The following RRP1 variants were observed in gnomAD, a reference collection of about 807,000 sequenced individuals.
RRP1 encodes ribosomal RNA processing 1, also known as ribosomal RNA processing protein 1 homolog A.
A neutral mutation model predicts 54.6 loss-of-function variants in RRP1; 37 were observed. The ratio of observed to expected loss-of-function variants is 0.68; its 90% CI spans 0.52 to 0.89. The LOEUF (loss-of-function observed/expected upper bound fraction) is 0.89. Ranked by LOEUF, RRP1 falls within the 40% of genes least tolerant of loss-of-function variation. The pLI, the probability that RRP1 is intolerant of heterozygous loss-of-function variation, is 0.00. For missense variants in RRP1, 639 were observed against 612.5 expected, an observed-to-expected ratio of 1.04 and a Z score of -0.46; for synonymous variants, 262 against 244.3, an observed-to-expected ratio of 1.07 and a Z score of -0.67.
chr21:43,793,199 G>A (rs541299775), intron 3 of RRP1, 120 bp from the exon 4 acceptor site: 2 of 835,944 alleles, frequency 2.4e-6, no homozygotes, highest in East Asian at 2.5e-5. Flanking sequence ...GGTAGGGCCT[G>A]GGCATCAGCA....
At position 43,797,486 on chromosome 21, in the gene RRP1, A is replaced by G; in HGVS notation, c.487A>G (p.Asn163Asp). The G allele has an allele frequency of 6.2e-7, 1 of 1,613,906 alleles. No homozygotes were observed. The change falls in exon 6 of 13, where the codon AAC (asparagine) becomes GAC (aspartate). Residue 163 changes from asparagine to aspartate, a missense_variant. Asn to Asp is a conservative substitution (Grantham distance 23, BLOSUM62 1). Transcript: ENST00000497547. ...EILHPSSQAPNGVKSHFIEIF... is the reference protein window; with the variant it reads ...EILHPSSQAPDGVKSHFIEIF... ...CCTGCACCCCAGCAGCCAGGCCCCC[A>G]ACGGTGTGAAGAGCCACTTCATCGA... is the stretch of plus-strand genomic sequence containing the variant.
At chr21:43,803,441 C>T in intron 12 of RRP1, 71 bp from the exon 13 acceptor site, 2 of 1,470,010 alleles carry the variant, frequency 1.4e-6, no homozygotes, top group Non-Finnish European at 1.8e-6. Flanking sequence ...GCATCCTCAG[C>T]CTGAGTTGGA....
chr21:43,798,546 C>T (rs1273541368), intron 8 of RRP1, among the ~76,000 whole-genome samples: 1 of 152,166 alleles, frequency 6.6e-6, no homozygotes, highest in Admixed American at 6.5e-5. Context: ...CCTCGTGTTC[C>T]TCGTTCCTGG....
At chr21:43,799,741 G>A (rs2085064894) in intron 9 of RRP1, 92 bp downstream of exon 9, 1 of 1,237,694 alleles carries the variant, frequency 8.1e-7, no homozygotes, top group Non-Finnish European at 1.2e-6. Context: ...TAGGAGGGAG[G>A]ATGGCAGCTG....
intron 1 of RRP1, 174 bp from the exon 2 acceptor site, chr21:43,791,176 G>A: frequency 1.4e-6 from 1 of 690,162 alleles, no homozygotes; most frequent in Non-Finnish European, 2.6e-6. Context: ...CACAGGCGCG[G>A]CAGGTTCTGG....
chr21:43,797,846 G>A (rs892449542), intron 7 of RRP1, 61 bp from the exon 8 acceptor site: 2 of 1,579,004 alleles, frequency 1.3e-6, no homozygotes, highest in South Asian at 1.2e-5. Context: ...GGGAGTCGGC[G>A]GCTTCCGCTT....
At chr21:43,792,945 C>T (rs1007161290) in intron 3 of RRP1, 6 of 587,546 alleles carry the variant, frequency 1.0e-5, no homozygotes, top group African/African-American at 9.4e-5. Flanking sequence ...ACCCTCATTT[C>T]GAGCCTAATG....
chr21:43,792,567 T>C, intron 2 of RRP1, 105 bp from the exon 3 acceptor site: 1 of 1,130,760 alleles, frequency 8.8e-7, no homozygotes, highest in South Asian at 1.3e-5. Flanking sequence ...GCCGACTCTC[T>C]GTGATGAGTG....
chr21:43,795,706 G>A (rs971359454), intron 5 of RRP1, among the ~76,000 whole-genome samples: 2 of 152,176 alleles, frequency 1.3e-5, no homozygotes, highest in Admixed American at 1.3e-4. Flanking sequence ...GCACCACCAG[G>A]CCCACGTAAT....
Position 43,803,781 on chromosome 21 carries a change from C to CG in RRP1, c.*10dup. ...GAAGAAACGCAGGGAGTGATGTGGC[C>CG]GGGCCAAGGACAGGCAGGGAGGGAG... On this transcript the variant is annotated 3_prime_UTR_variant, in exon 13 of 13. Transcript: ENST00000497547. 6.4e-7 allele frequency: 1 copy of CG among 1,569,978 alleles called. No individual in the cohort carries two copies. The highest frequency in any genetic ancestry group is 8.7e-7 in the Non-Finnish European group (1 of 1,154,898).
intron 1 of RRP1, 186 bp from the exon 2 acceptor site, chr21:43,791,164 G>T: frequency 1.5e-6 from 1 of 665,752 alleles, no homozygotes. Context: ...TAGCCGCATA[G>T]CCACAGGCGC....
At position 43,803,759 on chromosome 21, in the gene RRP1, G is replaced by A; in HGVS notation, c.1371G>A (p.Lys457=). 6.3e-7 allele frequency: 1 copy of A among 1,582,480 alleles called. No individual in the cohort carries two copies. The highest frequency in any genetic ancestry group is 8.6e-7 in the Non-Finnish European group (1 of 1,162,710). The part of the protein sequence containing the change: ...AANVQEPEKK[K]KRRE ...ATGTCCAGGAGCCGGAGAAGAAGAA[G>A]AAACGCAGGGAGTGATGTGGCCGGG... Residue 457 remains lysine (K), a synonymous_variant, in exon 13 of 13, where the codon AAG becomes AAA. Transcript: ENST00000497547.
chr21:43,799,155 G>A (rs895103264), intron 8 of RRP1, among the ~76,000 whole-genome samples: 2 of 152,188 alleles, frequency 1.3e-5, no homozygotes, highest in African/African-American at 2.4e-5. Context: ...GCACCCAGCC[G>A]AAACATCAGC....
intron 2 of RRP1, 82 bp downstream of exon 2, chr21:43,791,514 T>C (rs2084958384): frequency 3.0e-6 from 4 of 1,347,326 alleles, no homozygotes; most frequent in Non-Finnish European, 4.2e-6. Flanking sequence ...TTTTTCTTTT[T>C]TTTTTAAGTC....
rs1316499594 is a variant in RRP1, at chr21:43,802,184, G to A, written c.1010-90G>A. On this transcript the variant is annotated intron_variant, in intron 11 of 12. Coordinates refer to ENST00000497547, the MANE Select transcript of RRP1 (RefSeq NM_003683.6). ...TTTCTCACACACATTGTCAGGAGGT[G>A]GTGCTGGCTGGGGCCTGCTGGAAGC... is the stretch of plus-strand genomic sequence containing the variant. The A allele has an allele frequency of 3.4e-6, 3 of 874,628 alleles. No individual in the cohort carries two copies. In the African/African-American group the frequency reaches 4.9e-5, roughly 14 times the overall value. 54.2% of individuals were successfully genotyped at this position (874,628 alleles called of 1,614,324 possible).
chr21:43,794,983 G>T (rs2085002892), intron 4 of RRP1, among the ~76,000 whole-genome samples: 1 of 152,244 alleles, frequency 6.6e-6, no homozygotes, highest in Non-Finnish European at 1.5e-5. Flanking sequence ...GATAGGGCAT[G>T]TTCTCAGCCC....
chr21:43,802,174 G>A, intron 11 of RRP1, 100 bp from the exon 12 acceptor site: 3 of 800,886 alleles, frequency 3.7e-6, no homozygotes, highest in East Asian at 2.5e-5. Flanking sequence ...CACACACATT[G>A]TCAGGAGGTG....
intron 1 of RRP1, 185 bp from the exon 2 acceptor site, chr21:43,791,165 C>T: frequency 1.5e-6 from 1 of 666,468 alleles, no homozygotes; most frequent in African/African-American, 1.8e-5. Flanking sequence ...AGCCGCATAG[C>T]CACAGGCGCG....
rs1207650428 is a variant in RRP1 at position 43,800,621 on chromosome 21, G to A, written c.989+7G>A. The stretch of plus-strand genomic sequence containing the variant: ...TCTACAAAGTGATCCGGAAGTGAGT[G>A]TGTGAGGGCGCTGCGTCCTCCCTGC... On this transcript the variant is annotated splice_region_variant and intron_variant, in intron 10 of 12. Coordinates refer to ENST00000497547, the MANE Select transcript of RRP1 (RefSeq NM_003683.6). The A allele has an allele frequency of 6.2e-7, 1 of 1,613,364 alleles. No individual in the cohort carries two copies. The highest frequency in any genetic ancestry group is 8.5e-7 in the Non-Finnish European group (1 of 1,179,298).
Sources: allele counts gnomAD v4.1 joint callset (sites outside exome capture counted in the v4.1 genomes callset), GRCh38; gene constraint gnomAD v4.1.1; transcripts MANE v1.5; gene names NCBI Gene and HGNC (gene_info 2026-07-23, HGNC 2026-07-21).